The following SPOP variants were observed in gnomAD, a reference collection of about 807,000 sequenced individuals.
The protein encoded by SPOP is speckle-type POZ protein.
SPOP carries 11 observed loss-of-function variants against 45.6 expected under a neutral mutation model. That is an observed-to-expected ratio of 0.24 (90% CI 0.15 to 0.40). SPOP has a LOEUF of 0.40. SPOP is among the 10% of genes least tolerant of loss of function. The probability of loss-of-function intolerance (pLI) is 1.00; values close to 1 mark genes in which losing one functional copy is unlikely to be tolerated. For synonymous variants in SPOP, 166 were observed against 166.3 expected, an observed-to-expected ratio of 1.00 and a Z score of 0.01; for missense variants, 152 against 465.6, an observed-to-expected ratio of 0.33 and a Z score of 6.20.
intron 5 of SPOP, among the ~76,000 whole-genome samples, chr17:49,613,274 TAA>T (rs78472735): frequency 4.7e-4 from 58 of 122,418 alleles, no homozygotes; most frequent in African/African-American, 5.0e-4. Context: ...AATACTAATT[TAA>T]AAAAAAAAAA....
intron 6 of SPOP, among the ~76,000 whole-genome samples, chr17:49,609,954 G>A (rs1036284853): frequency 3.9e-5 from 6 of 152,022 alleles, no homozygotes; most frequent in Non-Finnish European, 5.9e-5. Flanking sequence ...CTTTGTCCAC[G>A]AGGAAGAACA....
At chr17:49,636,633 A>G (rs2143405946) in intron 1 of SPOP, 1 of 152,346 alleles carries the variant, frequency 6.6e-6, no homozygotes, top group East Asian at 1.9e-4. Flanking sequence ...TTGCACTAAA[A>G]TGAAACAGTA....
intron 1 of SPOP, among the ~76,000 whole-genome samples, chr17:49,667,579 ACT>A (rs1324171515): frequency 1.3e-5 from 2 of 152,074 alleles, no homozygotes; most frequent in African/African-American, 4.8e-5. Flanking sequence ...ATAGAGTAAG[ACT>A]CCATCTCAAC....
At chr17:49,628,954 CTGA>C (rs1025188196) in intron 1 of SPOP, among the ~76,000 whole-genome samples, 2 of 152,204 alleles carry the variant, frequency 1.3e-5, no homozygotes, top group Admixed American at 6.5e-5. Context: ...TACAAATACT[CTGA>C]TGAAGGCCAG....
chr17:49,624,331 G>GCACACACACACACA (rs58009760), intron 1 of SPOP, among the ~76,000 whole-genome samples: 7 of 149,224 alleles, frequency 4.7e-5, no homozygotes, highest in African/African-American at 1.0e-4. Flanking sequence ...GCGCGCGCGC[G>GCACACACACACACA]CACACACACA....
chr17:49,636,823 AG>A (rs1487818627), intron 1 of SPOP: 2 of 152,228 alleles, frequency 1.3e-5, no homozygotes, highest in Non-Finnish European at 2.9e-5. Flanking sequence ...TTGGAAATAG[AG>A]AATATGAATC....
chr17:49,639,331 C>T (rs2072603536), intron 1 of SPOP, among the ~76,000 whole-genome samples: 1 of 151,954 alleles, frequency 6.6e-6, no homozygotes, highest in African/African-American at 2.4e-5. Context: ...GGAGAACAAA[C>T]TGGTACCACC....
chr17:49,640,992 G>C (rs2072635930), intron 1 of SPOP, among the ~76,000 whole-genome samples: 1 of 152,104 alleles, frequency 6.6e-6, no homozygotes, highest in Admixed American at 6.6e-5. Context: ...GCTGAGCGTG[G>C]TGGCTCACGC....
chr17:49,668,461 G>T (rs890729416), intron 1 of SPOP, among the ~76,000 whole-genome samples: 2 of 152,040 alleles, frequency 1.3e-5, no homozygotes, highest in African/African-American at 4.8e-5. Flanking sequence ...ATTGACTGGA[G>T]TATATAGTAC....
chr17:49,630,621 T>A lies in SPOP; in HGVS notation c.-66-7745A>T, dbSNP rs180680465. On this transcript the variant is annotated intron_variant, in intron 1 of 9. Transcript: ENST00000504102. ...TTTTTTGTTTTCTTTAAATTTTTTT[T>A]AAAAAAAATTTGTATAGACAGAGTC... 4.3e-3 allele frequency among the ~76,000 whole-genome samples: 659 copies of A among 152,176 alleles called. 7 individuals carry two copies. Among genetic ancestry groups the A allele is most frequent in the African/African-American group, 0.014 (590 of 41,502 alleles).
At chr17:49,612,584 G>A (rs1326905661) in intron 5 of SPOP, among the ~76,000 whole-genome samples, 3 of 152,226 alleles carry the variant, frequency 2.0e-5, no homozygotes, top group Non-Finnish European at 4.4e-5. Context: ...AGGTGAGTCA[G>A]TGAAACTCAG....
At chr17:49,665,424 C>T (rs970140555) in intron 1 of SPOP, among the ~76,000 whole-genome samples, 10 of 151,688 alleles carry the variant, frequency 6.6e-5, no homozygotes. Flanking sequence ...ATCATCCTGG[C>T]TAACATAGTG....
At chr17:49,623,277 A>C (rs1597929014) in intron 1 of SPOP, among the ~76,000 whole-genome samples, 1 of 152,050 alleles carries the variant, frequency 6.6e-6, no homozygotes, top group Non-Finnish European at 1.5e-5. Flanking sequence ...CAAAGTGCTG[A>C]GATTACAGGC....
At chr17:49,652,701 G>A (rs755132587) in intron 1 of SPOP, among the ~76,000 whole-genome samples, 30 of 152,070 alleles carry the variant, frequency 2.0e-4, no homozygotes, top group Non-Finnish European at 1.8e-4. Flanking sequence ...CAAAAACACA[G>A]TAAAACCAAT....
chr17:49,668,132 G>A (rs556164418), intron 1 of SPOP: 1 of 152,172 alleles, frequency 6.6e-6, no homozygotes, highest in Non-Finnish European at 1.5e-5. Flanking sequence ...TTTCCGTATT[G>A]CAAGATGAAA....
In SPOP at chr17:49,621,980, T is replaced by C. The variant is rs1188095610; in HGVS notation, c.166A>G (p.Thr56Ala). The C allele has an allele frequency of 6.2e-7, 1 of 1,614,000 alleles. No homozygotes were observed. The highest frequency in any genetic ancestry group is 8.5e-7 in the Non-Finnish European group (1 of 1,179,894). ...TTATCATTTGCTCCTGATGAAAATG[T>C]AGAACTTTTAATGACTTCACCCATT... The part of the protein sequence containing the change: ...EEMGEVIKSS[T>A]FSSGANDKLK... The change falls in exon 3 of 10, where the codon ACA becomes GCA. Residue 56 changes from threonine (T) to alanine (A), a missense_variant. By Grantham distance (58) the Thr-to-Ala change is moderately conservative (BLOSUM62 0). Around this residue, in one of 3 missense-constraint regions of SPOP, gnomAD observed 28 missense variants for 176.8 expected, o/e 0.16. Coordinates refer to ENST00000504102, the MANE Select transcript of SPOP (RefSeq NM_001007228.2).
At chr17:49,622,657 G>C in intron 2 of SPOP, 76 bp downstream of exon 2, 1 of 1,308,622 alleles carries the variant, frequency 7.6e-7, no homozygotes, top group Non-Finnish European at 1.1e-6. Flanking sequence ...GCCCAATGTA[G>C]AAAAGCAATC....
chr17:49,618,107 T>C lies in SPOP; in HGVS notation c.480+874A>G, dbSNP rs76309849. ...ATTATTTGACCGAGCGAGTTGGCAA[T>C]TGGGGAACAACTGTACCATCCCCCA... On this transcript the variant is annotated intron_variant, in intron 5 of 9. Coordinates refer to ENST00000504102, the MANE Select transcript of SPOP (RefSeq NM_001007228.2). Among the ~76,000 whole-genome samples the C allele has an allele frequency of 1.4e-3, 206 of 152,160 alleles. 5 individuals carry two copies. In the East Asian group the frequency reaches 0.027, roughly 20 times the overall value.
intron 1 of SPOP, among the ~76,000 whole-genome samples, chr17:49,677,588 A>T (rs551967660): frequency 1.3e-5 from 2 of 152,098 alleles, no homozygotes; most frequent in Non-Finnish European, 2.9e-5. Flanking sequence ...GGCAGCGAAG[A>T]AGCAGCCCGA....
Sources: allele counts gnomAD v4.1 joint callset (sites outside exome capture counted in the v4.1 genomes callset), GRCh38; gene constraint gnomAD v4.1.1; regional missense constraint gnomAD v4.1.1; transcripts MANE v1.5; gene names NCBI Gene and HGNC (gene_info 2026-07-23, HGNC 2026-07-21).